The following TMPRSS2 variants were observed in gnomAD, a reference collection of about 807,000 sequenced individuals.
TMPRSS2 encodes transmembrane protease serine 2.
Under a neutral mutation model 67.4 loss-of-function variants are expected in TMPRSS2, and 59 were observed. The observed-to-expected ratio is 0.88, with a 90% CI of 0.71 to 1.09. TMPRSS2 has a LOEUF of 1.09. Ranked by LOEUF, TMPRSS2 falls within the 50% of genes least tolerant of loss-of-function variation. The pLI is 0.00. For synonymous variants in TMPRSS2, 257 were observed against 257.0 expected, an observed-to-expected ratio of 1.00 and a Z score of 0.00; for missense variants, 668 against 642.7, an observed-to-expected ratio of 1.04 and a Z score of -0.43.
At chr21:41,488,157 G>T in intron 5 of TMPRSS2, 1 of 407,336 alleles carries the variant, frequency 2.5e-6, no homozygotes, top group South Asian at 4.2e-5. Context: ...TTCAGAGCAC[G>T]TGTGGTTCCA....
intron 5 of TMPRSS2, among the ~76,000 whole-genome samples, chr21:41,484,201 G>A (rs1331468998): frequency 6.6e-6 from 1 of 152,204 alleles, no homozygotes; most frequent in Non-Finnish European, 1.5e-5. Context: ...AATAAAGCTA[G>A]TTAACATGTC....
chr21:41,483,793 A>AT (rs368186156), intron 5 of TMPRSS2, among the ~76,000 whole-genome samples: 1,820 of 134,864 alleles, frequency 0.013, 30 homozygotes, highest in Middle Eastern at 0.032. Flanking sequence ...AAATATTAGG[A>AT]TTTTTTTTCT....
chr21:41,481,839 G>A (rs935096859), intron 5 of TMPRSS2, among the ~76,000 whole-genome samples: 12 of 152,170 alleles, frequency 7.9e-5, no homozygotes, highest in African/African-American at 2.9e-4. Flanking sequence ...AAGGCGGGCA[G>A]ATCACCTGAG....
At chr21:41,477,987 G>A (rs1034720506) in intron 7 of TMPRSS2, among the ~76,000 whole-genome samples, 1 of 152,050 alleles carries the variant, frequency 6.6e-6, no homozygotes, top group African/African-American at 2.4e-5. Flanking sequence ...TCTTGCCAAG[G>A]GACGGCAGCA....
chr21:41,494,366 C>T lies in TMPRSS2; in HGVS notation c.228G>A (p.Val76=). The T allele has an allele frequency of 6.2e-7, 1 of 1,611,194 alleles. No homozygotes were observed. The highest frequency in any genetic ancestry group is 8.5e-7 in the Non-Finnish European group (1 of 1,179,320). The part of the protein sequence containing the change: ...CTQPKSPSGT[V]CTSKTKKALC... ...CAAAGAGAATCCTACTTGAGGTGCA[C>T]ACTGTCCCGGATGGGGATTTGGGCT... The change falls in exon 3 of 14, where the codon GTG becomes GTA. Residue 76 remains valine, a synonymous_variant. Transcript: ENST00000332149.
At position 41,480,458 on chromosome 21, in the gene TMPRSS2, G is replaced by A. The variant is rs2146451553; in HGVS notation, c.572+18C>T. Reference sequence around the variant, plus strand: ...GCTGTCTGTTACTGTCACTCGGCGGGTGCTGCCCCATACTCACTTATAGCC... The same window carrying A: ...GCTGTCTGTTACTGTCACTCGGCGGATGCTGCCCCATACTCACTTATAGCC... On this transcript the variant is annotated intron_variant, in intron 6 of 13. Coordinates refer to ENST00000332149, the MANE Select transcript of TMPRSS2 (RefSeq NM_005656.4). The A allele has an allele frequency of 6.2e-7, 1 of 1,612,402 alleles. No homozygotes were observed. Among genetic ancestry groups the A allele is most frequent in the Non-Finnish European group, 8.5e-7 (1 of 1,179,414 alleles).
chr21:41,501,984 GT>G (rs1255974458), intron 1 of TMPRSS2, among the ~76,000 whole-genome samples: 4 of 152,200 alleles, frequency 2.6e-5, no homozygotes, highest in Admixed American at 6.5e-5. Context: ...GCAACAGTGG[GT>G]GGCACTCAGG....
intron 3 of TMPRSS2, among the ~76,000 whole-genome samples, chr21:41,491,993 G>A (rs1020133065): frequency 2.6e-5 from 4 of 152,148 alleles, no homozygotes; most frequent in East Asian, 1.9e-4. Flanking sequence ...TCAGGAGTTC[G>A]AGACCAGCCT....
chr21:41,466,297 A>G (rs1349307854), intron 13 of TMPRSS2, 144 bp from the exon 14 acceptor site: 3 of 812,322 alleles, frequency 3.7e-6, no homozygotes, highest in South Asian at 1.6e-5. Flanking sequence ...CTTCTCTCCA[A>G]CGTGTTGGTC....
Position 41,467,735 on chromosome 21 carries a change from C to G in TMPRSS2, c.1466G>C (p.Arg489Thr). 6.2e-7 allele frequency: 1 copy of G among 1,614,074 alleles called. No homozygotes were observed. Among genetic ancestry groups the G allele is most frequent in the South Asian group, 1.1e-5 (1 of 91,062 alleles). ...VFTDWIYRQM[R>T]ADG Reference sequence around the variant, plus strand: ...TCAGAAGGAGGACAGGATAGTTACCCTCATTTGTCGATAAATCCAGTCCGT... The same window carrying G: ...TCAGAAGGAGGACAGGATAGTTACCGTCATTTGTCGATAAATCCAGTCCGT... Residue 489 changes from arginine to threonine, a missense_variant and splice_region_variant, in exon 13 of 14, where the codon AGG (arginine) becomes ACG (threonine). By Grantham distance (71) the Arg-to-Thr change is moderately conservative. Coordinates refer to ENST00000332149, the MANE Select transcript of TMPRSS2 (RefSeq NM_005656.4).
chr21:41,507,944 A>T, intron 1 of TMPRSS2, 137 bp downstream of exon 1: 1 of 1,486,014 alleles, frequency 6.7e-7, no homozygotes, highest in Non-Finnish European at 8.9e-7. Flanking sequence ...CCTCGGGCGC[A>T]CTCACCTGCC....
At chr21:41,490,621 ACT>A (rs2091328526) in intron 3 of TMPRSS2, among the ~76,000 whole-genome samples, 1 of 152,246 alleles carries the variant, frequency 6.6e-6, no homozygotes, top group African/African-American at 2.4e-5. Flanking sequence ...GGAAAAGGTC[ACT>A]GATTTTTCTC....
At chr21:41,489,689 G>T in intron 3 of TMPRSS2, 96 bp from the exon 4 acceptor site, 1 of 740,168 alleles carries the variant, frequency 1.4e-6, no homozygotes, top group East Asian at 2.7e-5. Flanking sequence ...ACCACATTAA[G>T]AAATAATTAT....
intron 13 of TMPRSS2, 128 bp downstream of exon 13, chr21:41,467,606 A>T (rs1601558904): frequency 9.3e-7 from 1 of 1,077,232 alleles, no homozygotes; most frequent in East Asian, 2.5e-5. Context: ...GGCTGGAGGA[A>T]GCAGAGTTTG....
chr21:41,489,744 A>G (rs1321433899), intron 3 of TMPRSS2, 151 bp from the exon 4 acceptor site: 5 of 601,904 alleles, frequency 8.3e-6, no homozygotes, highest in Non-Finnish European at 1.4e-5. Context: ...AAGAAATATC[A>G]TGGACGATCC....
At position 41,479,283 on chromosome 21, in the gene TMPRSS2, C is replaced by T. The variant is rs753417444; in HGVS notation, c.573-1G>A. 2 of 1,611,178 alleles carry T rather than the reference C, an allele frequency of 1.2e-6. No homozygotes were observed. The highest frequency in any genetic ancestry group is 1.7e-6 in the Non-Finnish European group (2 of 1,178,140). ...TCCTTGGCTAGAGTAAAAATTATTC[C>T]TAAAAAAGAAAACCTTATTTGTGAT... On this transcript the variant is annotated splice_acceptor_variant, in intron 6 of 13. Coordinates refer to ENST00000332149, the MANE Select transcript of TMPRSS2 (RefSeq NM_005656.4). LOFTEE classifies it high-confidence loss of function.
chr21:41,470,565 G>A, intron 11 of TMPRSS2, 83 bp downstream of exon 11: 2 of 1,290,120 alleles, frequency 1.6e-6, no homozygotes, highest in Non-Finnish European at 2.2e-6. Flanking sequence ...GTAGAACTGG[G>A]ATTAAAACCT....
chr21:41,485,419 A>G (rs4818241), intron 5 of TMPRSS2, among the ~76,000 whole-genome samples: 144,734 of 152,072 alleles, frequency 0.95, 69,484 homozygotes, highest in Non-Finnish European at 0.98. Flanking sequence ...AGGCTGAGGC[A>G]GGAGAATTGC....
intron 10 of TMPRSS2, 108 bp from the exon 11 acceptor site, chr21:41,470,851 A>G (rs921131848): frequency 2.6e-6 from 2 of 771,080 alleles, no homozygotes; most frequent in Non-Finnish European, 4.1e-6. Context: ...CACCCTGCCC[A>G]GAGGACCCTG....
Sources: gnomAD v4.1 joint callset for allele counts (sites outside exome capture counted in the v4.1 genomes callset) on GRCh38, gnomAD v4.1.1 for gene constraint, MANE v1.5 for transcripts, NCBI Gene and HGNC (gene_info 2026-07-23, HGNC 2026-07-21) for gene names.